The following EBF4 variants were observed in gnomAD, a reference collection of about 807,000 sequenced individuals.
The protein encoded by EBF4 is transcription factor COE4.
EBF4 carries 34 observed loss-of-function variants against 67.1 expected under a neutral mutation model. The ratio of observed to expected loss-of-function variants is 0.51; its 90% CI spans 0.39 to 0.67. The LOEUF (loss-of-function observed/expected upper bound fraction) is 0.67, where lower values mean the gene tolerates loss of function less well. Among genes scored for constraint, EBF4 ranks in the 30% least tolerant of loss-of-function variants. EBF4 has a pLI of 0.00. For missense variants in EBF4, 837 were observed against 873.3 expected, an observed-to-expected ratio of 0.96 and a Z score of 0.52; for synonymous variants, 387 against 377.7, an observed-to-expected ratio of 1.02 and a Z score of -0.29.
At chr20:2,734,818 C>A (rs1384318460) in intron 6 of EBF4, among the ~76,000 whole-genome samples, 1 of 152,200 alleles carries the variant, frequency 6.6e-6, no homozygotes, top group African/African-American at 2.4e-5. Context: ...TTAAGACATG[C>A]CTTCAGTGCT....
At chr20:2,748,934 C>T (rs945357575) in intron 7 of EBF4, among the ~76,000 whole-genome samples, 4 of 152,190 alleles carry the variant, frequency 2.6e-5, no homozygotes, top group African/African-American at 9.7e-5. Context: ...AGCAGCTGCC[C>T]TTAGCACATC....
chr20:2,714,648 C>T (rs953899485), intron 6 of EBF4, among the ~76,000 whole-genome samples: 4 of 152,152 alleles, frequency 2.6e-5, no homozygotes, highest in African/African-American at 9.7e-5. Context: ...CACAACACCC[C>T]ACCATGTGCT....
At chr20:2,750,434 T>C (rs1464510333) in intron 10 of EBF4, among the ~76,000 whole-genome samples, 4 of 152,094 alleles carry the variant, frequency 2.6e-5, no homozygotes, top group Non-Finnish European at 5.9e-5. Flanking sequence ...CACACGTGCG[T>C]ACATACACAC....
In EBF4 at chr20:2,755,927, C is replaced by A; in HGVS notation, c.1738+103C>A. 2 of 1,142,604 alleles carry A rather than the reference C, an allele frequency of 1.8e-6. No homozygotes were observed. The highest frequency in any genetic ancestry group is 2.4e-6 in the Non-Finnish European group (2 of 824,270). 70.8% of individuals were successfully genotyped at this position (1,142,604 alleles called of 1,614,324 possible). A position where few individuals can be genotyped will look rare whatever the true frequency, so the allele number is the denominator to read the frequency against. On this transcript the variant is annotated intron_variant, in intron 15 of 16. Transcript: ENST00000609451. The surrounding 1 kb of genome is among the most constrained non-coding windows in gnomAD (Gnocchi z 4.7). ...GTCCACATCTCACCAGTGCCTCATG[C>A]TGGCTAACCTGCTCTTCTTGGAGGA...
At chr20:2,752,453 T>C (rs1331151827) in exon 14 of EBF4, 1 of 1,274,468 alleles carries the variant, frequency 7.8e-7, no homozygotes, top group Non-Finnish European at 9.9e-7. Flanking sequence ...GGAGCTGGCC[T>C]GGGCGGCTAC....
Position 2,747,313 on chromosome 20 carries a change from C to CA in EBF4, c.558-1233dup, listed in dbSNP as rs1415178435. Among the ~76,000 whole-genome samples the CA allele has an allele frequency of 0.01, 1,257 of 123,252 alleles. 15 individuals carry two copies. Among genetic ancestry groups the CA allele is most frequent in the African/African-American group, 0.028 (862 of 30,364 alleles). 80.9% of individuals were successfully genotyped at this position (123,252 alleles called of 152,430 possible). On this transcript the variant is annotated intron_variant, in intron 6 of 16. Coordinates refer to ENST00000609451, the Ensembl canonical transcript of EBF4. The surrounding 1 kb of genome is among the most constrained non-coding windows in gnomAD (Gnocchi z 4.6). Reference sequence around the variant, plus strand: ...CTCTGTCTCAAAACAAAAAACAAAACAAACAAAAAAAAAAAAACAGGAAAA... The same window carrying CA: ...CTCTGTCTCAAAACAAAAAACAAAACAAAACAAAAAAAAAAAAACAGGAAAA...
rs144765250 is a variant in EBF4, at chr20:2,711,148, A to AAATAATAAT, written c.557+1530_557+1538dup. ...GGGCAACAGAGTGAGACCCTGTCTA[A>AAATAATAAT]AATAATAATAATAATAATAATAATA... On this transcript the variant is annotated intron_variant, in intron 6 of 16. Transcript: ENST00000609451. Among the ~76,000 whole-genome samples the AAATAATAAT allele has an allele frequency of 3.5e-3, 513 of 146,828 alleles. 2 individuals carry two copies. The highest frequency in any genetic ancestry group is 0.012 in the African/African-American group (478 of 39,664).
intron 7 of EBF4, among the ~76,000 whole-genome samples, chr20:2,749,093 G>A (rs1803822707): frequency 1.3e-5 from 2 of 152,176 alleles, no homozygotes; most frequent in African/African-American, 2.4e-5. Context: ...TGGCTTGGAG[G>A]TCCGTGGATA....
At chr20:2,709,409 T>G (rs2087507238) in intron 5 of EBF4, among the ~76,000 whole-genome samples, 165 bp from the exon 6 acceptor site, 1 of 148,994 alleles carries the variant, frequency 6.7e-6, no homozygotes, top group African/African-American at 2.5e-5. Context: ...GCCCACAGCC[T>G]TTCTCCCCCA....
chr20:2,748,603 G>A (rs1205245296), exon 7 of EBF4: 9 of 1,551,492 alleles, frequency 5.8e-6, no homozygotes, highest in Middle Eastern at 1.7e-4. Flanking sequence ...AGAATGCGGG[G>A]AATCCCAGAG....
chr20:2,756,973 G>A lies in EBF4; in HGVS notation c.1738+1149G>A, dbSNP rs2088255072. Among the ~76,000 whole-genome samples the A allele has an allele frequency of 1.3e-5, 2 of 152,344 alleles. No individual in the cohort carries two copies. The highest frequency in any genetic ancestry group is 4.1e-4 in the South Asian group (2 of 4,832). On this transcript the variant is annotated intron_variant, in intron 15 of 16. Coordinates refer to ENST00000609451, the Ensembl canonical transcript of EBF4. The surrounding 1 kb of genome is among the most constrained non-coding windows in gnomAD (Gnocchi z 4.5). ...ATCTTGAGATTAGTTCCTGGGGAAT[G>A]ACCTTGAGATGCAGGAAGAGACACC...
At chr20:2,709,605 C>T (rs2087511830) in exon 6 of EBF4, 2 of 1,556,988 alleles carry the variant, frequency 1.3e-6, no homozygotes, top group African/African-American at 1.4e-5. Flanking sequence ...CTGTGGCAAC[C>T]GGAATGAGAC....
In EBF4 at chr20:2,755,771, C is replaced by G; in HGVS notation, c.1685C>G (p.Pro562Arg). 1 of 1,550,320 alleles carries G rather than the reference C, an allele frequency of 6.5e-7. No individual in the cohort carries two copies. Among genetic ancestry groups the G allele is most frequent in the Non-Finnish European group, 8.7e-7 (1 of 1,146,958 alleles). ...AGCGCCTTCGCCCCCGTGCTGCGCC[C>G]CCCAAGCTCCCCACCCCAGGCCTGC... is the stretch of plus-strand genomic sequence containing the variant. The change falls in exon 15 of 17, where the codon CCC becomes CGC. Residue 562 changes from proline to arginine, a missense_variant. Pro to Arg is a moderately radical substitution (Grantham distance 103). Coordinates refer to ENST00000609451, the Ensembl canonical transcript of EBF4. This position sits in a 1 kb window ranked among gnomAD's most constrained non-coding sequence, Gnocchi z 4.7.
At chr20:2,697,500 G>C (rs535905017) in intron 1 of EBF4, among the ~76,000 whole-genome samples, 2 of 151,108 alleles carry the variant, frequency 1.3e-5, no homozygotes, top group East Asian at 2.0e-4. Context: ...AGCCGAGATC[G>C]CGCCACTGCA....
chr20:2,737,942 G>A (rs1354085052), intron 6 of EBF4, among the ~76,000 whole-genome samples: 2 of 150,304 alleles, frequency 1.3e-5, no homozygotes, highest in African/African-American at 4.9e-5. Context: ...TCCAGCCTGG[G>A]CAACAGAGCG....
Position 2,696,072 on chromosome 20 carries a change from T to C in EBF4, c.137+2290T>C, listed in dbSNP as rs1178569713. Among the ~76,000 whole-genome samples, 4 of 152,214 alleles carry C rather than the reference T, an allele frequency of 2.6e-5. No individual in the cohort carries two copies. In the East Asian group the frequency reaches 7.7e-4, roughly 29 times the overall value. ...CACCTCAGCCTCCTGGCCCAGTGCC[T>C]AGCCCCAGCCATTCACCACTCCCCT... On this transcript the variant is annotated intron_variant, in intron 1 of 16. Coordinates refer to ENST00000609451, the Ensembl canonical transcript of EBF4. This position sits in a 1 kb window ranked among gnomAD's most constrained non-coding sequence, Gnocchi z 4.7.
intron 1 of EBF4, among the ~76,000 whole-genome samples, chr20:2,702,141 A>G (rs1304327521): frequency 3.0e-4 from 46 of 152,158 alleles, no homozygotes; most frequent in Admixed American, 3.0e-3. Flanking sequence ...GGTCAGAAAG[A>G]AAGGTGTTGA....
chr20:2,743,317 T>A (rs6138879), intron 6 of EBF4, among the ~76,000 whole-genome samples: 44,663 of 152,058 alleles, frequency 0.29, 6,807 homozygotes, highest in African/African-American at 0.39. Context: ...GTCGGCAGTC[T>A]CTCTAGGTCC....
chr20:2,716,311 G>A (rs1340936556), intron 6 of EBF4, among the ~76,000 whole-genome samples: 1 of 151,476 alleles, frequency 6.6e-6, no homozygotes, highest in Non-Finnish European at 1.5e-5. Flanking sequence ...CAGATCACCG[G>A]AGGTCGGGAG....
Sources: allele counts gnomAD v4.1 joint callset (sites outside exome capture counted in the v4.1 genomes callset), GRCh38; gene constraint gnomAD v4.1.1; non-coding constraint Gnocchi (gnomAD v3.1); transcripts MANE v1.5; gene names NCBI Gene and HGNC (gene_info 2026-07-23, HGNC 2026-07-21).